Variants in MEIOSIN observed in about 807,000 individuals in gnomAD.
MEIOSIN encodes the protein meiosis initiator, also known as meiosis initiator protein.
In MEIOSIN, 18 loss-of-function variants were observed where a neutral mutation model predicts 23.4. That is an observed-to-expected ratio of 0.77 (90% confidence interval 0.53 to 1.14). The LOEUF is 1.14. Ranked by LOEUF, MEIOSIN falls within the 50% of genes most tolerant of loss-of-function variation. MEIOSIN has a pLI of 0.00. For synonymous variants in MEIOSIN, 187 were observed against 100.6 expected (o/e 1.86, Z -5.14); for missense variants, 428 against 242.9 (o/e 1.76, Z -5.07).
At chr19:45,760,491 A>C (rs1466975080) in intron 11 of MEIOSIN, among the ~76,000 whole-genome samples, 3 of 152,146 alleles carry the variant, frequency 2.0e-5, no homozygotes, top group Non-Finnish European at 2.9e-5. Context: ...CTGTAATCCC[A>C]GCTACTCAGG....
At position 45,757,194 on chromosome 19, in the gene MEIOSIN, A is replaced by G. The variant is rs1211248989; in HGVS notation, c.929A>G (p.Tyr310Cys). 3.0e-5 allele frequency: 21 copies of G among 702,788 alleles called. No homozygotes were observed. Among genetic ancestry groups the G allele is most frequent in the Non-Finnish European group, 5.5e-5 (21 of 384,952 alleles). 43.5% of individuals were successfully genotyped at this position (702,788 alleles called of 1,614,324 possible). The change falls in exon 9 of 15, where the codon TAT becomes TGT. Residue 310 changes from tyrosine to cysteine, a missense_variant. By Grantham distance (194) the Tyr-to-Cys change is radical. Coordinates refer to ENST00000457052, the MANE Select transcript of MEIOSIN (RefSeq NM_001310124.2). ...TCTTGCAGGCAGAAGCTGGTGTTCT[A>G]TGATTCCAGCGAGGATGTGGACAAA... The part of the protein sequence containing the change: ...QPHPRQKLVF[Y>C]DSSEDVDKGS...
intron 11 of MEIOSIN, 49 bp from the exon 12 acceptor site, chr19:45,761,629 AG>A (rs1231384215): frequency 1.5e-6 from 1 of 683,952 alleles, no homozygotes; most frequent in Non-Finnish European, 2.7e-6. Context: ...GGGGGGATGA[AG>A]GGGCACCACT....
intron 5 of MEIOSIN, among the ~76,000 whole-genome samples, chr19:45,752,176 C>T (rs71352287): frequency 6.6e-6 from 1 of 151,708 alleles, no homozygotes; most frequent in Non-Finnish European, 1.5e-5. Flanking sequence ...CCGCAGACTT[C>T]TAAGCAGCTT....
intron 11 of MEIOSIN, 98 bp from the exon 12 acceptor site, chr19:45,761,581 C>A: frequency 1.6e-6 from 1 of 613,810 alleles, no homozygotes; most frequent in South Asian, 1.9e-5. Flanking sequence ...ATCTGAGCTG[C>A]TGCTAATGCT....
intron 13 of MEIOSIN, 83 bp downstream of exon 13, chr19:45,762,266 C>T (rs1968961077): frequency 2.5e-6 from 1 of 401,516 alleles, no homozygotes. Flanking sequence ...CTCCTCACAA[C>T]TGTCTGACAC....
At chr19:45,761,624 G>A in intron 11 of MEIOSIN, 55 bp from the exon 12 acceptor site, 1 of 681,946 alleles carries the variant, frequency 1.5e-6, no homozygotes, top group Non-Finnish European at 2.7e-6. Flanking sequence ...GTACTGGGGG[G>A]ATGAAGGGGC....
intron 2 of MEIOSIN, among the ~76,000 whole-genome samples, chr19:45,737,761 C>T (rs1968432792): frequency 6.6e-6 from 1 of 151,752 alleles, no homozygotes; most frequent in Non-Finnish European, 1.5e-5. Flanking sequence ...GGTGAAACTC[C>T]ATCTCTACTA....
Position 45,745,187 on chromosome 19 carries a change from A to G in MEIOSIN, c.177-5A>G, listed in dbSNP as rs1306085111. ...TAACCAAAACCAGCTCCTGTCCCCA[A>G]ACAGGAATCAGAGGAACCAAAACAA... On this transcript the variant is annotated splice_polypyrimidine_tract_variant and splice_region_variant and intron_variant, in intron 3 of 14. Coordinates refer to ENST00000457052, the MANE Select transcript of MEIOSIN (RefSeq NM_001310124.2). 2.8e-6 allele frequency: 2 copies of G among 702,814 alleles called. No individual in the cohort carries two copies. Among genetic ancestry groups the G allele is most frequent in the Admixed American group, 2.0e-5 (1 of 49,966 alleles). 43.5% of individuals were successfully genotyped at this position (702,814 alleles called of 1,614,324 possible). A position where few individuals can be genotyped will look rare whatever the true frequency, so the allele number is the denominator to read the frequency against.
intron 3 of MEIOSIN, among the ~76,000 whole-genome samples, chr19:45,744,898 G>C (rs140366916): frequency 2.0e-5 from 3 of 152,198 alleles, no homozygotes; most frequent in Non-Finnish European, 4.4e-5. Flanking sequence ...AGTAGGGATG[G>C]AAGAGGCCAA....
At chr19:45,746,066 T>C (rs1436636735) in intron 4 of MEIOSIN, among the ~76,000 whole-genome samples, 1 of 152,160 alleles carries the variant, frequency 6.6e-6, no homozygotes, top group East Asian at 1.9e-4. Context: ...CTTCCCAGGC[T>C]CAAGCAATCC....
rs1360428051 is a variant in MEIOSIN at position 45,762,046 on chromosome 19, G to A, written c.1542G>A (p.Lys514=). Residue 514 remains lysine (K), a synonymous_variant, in exon 13 of 15, where the codon AAG becomes AAA. Coordinates refer to ENST00000457052, the MANE Select transcript of MEIOSIN (RefSeq NM_001310124.2). ...LASPLLAAEK[K]ATKGQVARAP... ...CACCCCTGCTGGCAGCTGAGAAAAA[G>A]GCCACGAAGGGCCAAGTAGCCAGGG... 6.2e-6 allele frequency: 3 copies of A among 484,454 alleles called. No homozygotes were observed. The highest frequency in any genetic ancestry group is 1.1e-5 in the Non-Finnish European group (3 of 274,222). 30.0% of individuals were successfully genotyped at this position (484,454 alleles called of 1,614,324 possible). A position where few individuals can be genotyped will look rare whatever the true frequency, so the allele number is the denominator to read the frequency against.
rs1241259437 is a variant in MEIOSIN, at chr19:45,757,258, C to T, written c.993C>T (p.Thr331=). Reference sequence around the variant, plus strand: ...CTGACCCTTGGCTCCCTGCCTGGACCCCAGAGAACAGCCCCCAAGGTGACT... The same window carrying T: ...CTGACCCTTGGCTCCCTGCCTGGACTCCAGAGAACAGCCCCCAAGGTGACT... ...LDADPWLPAW[T]PENSPQGSPL... The change falls in exon 9 of 15, where the codon ACC becomes ACT. Residue 331 remains threonine, a synonymous_variant. Transcript: ENST00000457052. 8 of 702,738 alleles carry T rather than the reference C, an allele frequency of 1.1e-5. No homozygotes were observed. The highest frequency in any genetic ancestry group is 1.8e-5 in the Non-Finnish European group (7 of 384,892). The allele number at this position is 702,738 out of a possible 1,614,324, so 43.5% of individuals were successfully genotyped here.
At chr19:45,749,415 C>T (rs1968650979) in intron 4 of MEIOSIN, among the ~76,000 whole-genome samples, 1 of 150,390 alleles carries the variant, frequency 6.6e-6, no homozygotes, top group South Asian at 2.1e-4. Flanking sequence ...GTGGCTCACG[C>T]CTGTAATCCC....
intron 7 of MEIOSIN, 77 bp from the exon 8 acceptor site, chr19:45,755,893 C>T: frequency 1.5e-6 from 1 of 652,028 alleles, no homozygotes; most frequent in Non-Finnish European, 2.8e-6. Flanking sequence ...GAAGCTGGCA[C>T]CCCTTTGTCC....
intron 4 of MEIOSIN, 125 bp from the exon 5 acceptor site, chr19:45,750,550 G>A (rs1196959513): frequency 6.2e-6 from 2 of 324,372 alleles, no homozygotes; most frequent in Non-Finnish European, 1.1e-5. Context: ...TAGTAGAGAC[G>A]GGGTTTCACC....
rs1239456569 is a variant in MEIOSIN, at chr19:45,750,013, A to AAAAAAG, written c.307-646_307-641dup. ...AGCAAGACTCTGTCTCAAAAAAAAA[A>AAAAAAG]AAAAAGAAAAAGAAAAAGAAAGAAA... On this transcript the variant is annotated intron_variant, in intron 4 of 14. Coordinates refer to ENST00000457052, the MANE Select transcript of MEIOSIN (RefSeq NM_001310124.2). Among the ~76,000 whole-genome samples, 7 of 150,668 alleles carry AAAAAAG rather than the reference A, an allele frequency of 4.6e-5. No homozygotes were observed. In the East Asian group the frequency reaches 5.9e-4, roughly 13 times the overall value.
intron 11 of MEIOSIN, among the ~76,000 whole-genome samples, chr19:45,760,597 A>T (rs1968919009): frequency 6.7e-6 from 1 of 149,244 alleles, no homozygotes; most frequent in African/African-American, 2.5e-5. Context: ...CAAGAGCGAA[A>T]CCCAGTCTCA....
At chr19:45,749,776 G>A (rs552259809) in intron 4 of MEIOSIN, among the ~76,000 whole-genome samples, 6 of 150,862 alleles carry the variant, frequency 4.0e-5, no homozygotes, top group South Asian at 2.1e-4. Context: ...AGACCAAGGC[G>A]GGCAGATCAC....
chr19:45,759,691 C>T (rs976958828), intron 11 of MEIOSIN, among the ~76,000 whole-genome samples: 1 of 152,170 alleles, frequency 6.6e-6, no homozygotes, highest in Non-Finnish European at 1.5e-5. Context: ...GATGCCGGCT[C>T]TGTGCTGGGC....
Sources: gnomAD v4.1 joint callset for allele counts (sites outside exome capture counted in the v4.1 genomes callset) on GRCh38, gnomAD v4.1.1 for gene constraint, MANE v1.5 for transcripts, NCBI Gene and HGNC (gene_info 2026-07-23, HGNC 2026-07-21) for gene names.